The following LCLAT1 variants were observed in gnomAD, a reference collection of about 807,000 sequenced individuals.
LCLAT1 encodes lysocardiolipin acyltransferase 1.
Under a neutral mutation model 30.7 loss-of-function variants are expected in LCLAT1, and 11 were observed. The ratio of observed to expected loss-of-function variants is 0.36; its 90% confidence interval spans 0.23 to 0.59. The LOEUF (loss-of-function observed/expected upper bound fraction) is 0.59, where lower values mean the gene tolerates loss of function less well. LCLAT1 is among the 20% of genes least tolerant of loss of function. The pLI, the probability that LCLAT1 is intolerant of heterozygous loss-of-function variation, is 0.77. For missense variants in LCLAT1, 402 were observed against 458.6 expected, an observed-to-expected ratio of 0.88 and a Z score of 1.13; for synonymous variants, 155 against 151.3, an observed-to-expected ratio of 1.02 and a Z score of -0.18.
At chr2:30,559,534 A>G (rs1211130010) in intron 3 of LCLAT1, among the ~76,000 whole-genome samples, 3 of 152,164 alleles carry the variant, frequency 2.0e-5, no homozygotes, top group Non-Finnish European at 2.9e-5. Context: ...CACTTGTTTA[A>G]TGGTTCATGT....
intron 1 of LCLAT1, chr2:30,476,306 A>G: frequency 2.2e-6 from 1 of 444,732 alleles, no homozygotes; most frequent in African/African-American, 2.0e-5. Flanking sequence ...CCAGGGTCAC[A>G]CAGTAAGTGT....
intron 1 of LCLAT1, among the ~76,000 whole-genome samples, chr2:30,511,734 C>T (rs1397775814): frequency 6.6e-6 from 1 of 152,148 alleles, no homozygotes; most frequent in Non-Finnish European, 1.5e-5. Flanking sequence ...CTGTGCATTT[C>T]CTAATTGGGA....
At chr2:30,459,779 A>C in intron 1 of LCLAT1, 1 of 1,137,776 alleles carries the variant, frequency 8.8e-7, no homozygotes, top group Admixed American at 1.7e-5. Context: ...CATATATCTG[A>C]ACACAAAGCT....
intron 1 of LCLAT1, among the ~76,000 whole-genome samples, chr2:30,519,648 G>A (rs1252647): frequency 0.22 from 33,869 of 152,048 alleles, 3,856 homozygotes; most frequent in East Asian, 0.35. Flanking sequence ...TCACTAAAAT[G>A]CCCATTAGGC....
chr2:30,537,198 G>A (rs1001114954), intron 3 of LCLAT1, among the ~76,000 whole-genome samples: 43 of 152,048 alleles, frequency 2.8e-4, no homozygotes, highest in African/African-American at 9.7e-4. Flanking sequence ...TGGCTAACAA[G>A]GTGAAACCCC....
At chr2:30,517,960 C>A (rs1454586582) in intron 1 of LCLAT1, among the ~76,000 whole-genome samples, 1 of 152,180 alleles carries the variant, frequency 6.6e-6, no homozygotes, top group African/African-American at 2.4e-5. Context: ...AACCCGTAGC[C>A]TTCCTATCAA....
At chr2:30,542,238 T>G (rs77498689) in intron 3 of LCLAT1, among the ~76,000 whole-genome samples, 1,960 of 152,240 alleles carry the variant, frequency 0.013, 44 homozygotes, top group African/African-American at 0.043. Context: ...TTTAAACCAT[T>G]TCTTCTTATT....
chr2:30,494,115 CAGGATGA>C (rs1400320762), intron 1 of LCLAT1, among the ~76,000 whole-genome samples: 2 of 152,066 alleles, frequency 1.3e-5, no homozygotes, highest in Non-Finnish European at 2.9e-5. Flanking sequence ...CACAGCTGTT[CAGGATGA>C]TGAGGCAGGA....
chr2:30,494,647 C>T (rs1684011751), intron 1 of LCLAT1, among the ~76,000 whole-genome samples: 1 of 151,500 alleles, frequency 6.6e-6, no homozygotes, highest in Non-Finnish European at 1.5e-5. Flanking sequence ...TATGGGGATG[C>T]CTAACCTATA....
At chr2:30,617,605 G>C (rs1351589588) in intron 5 of LCLAT1, among the ~76,000 whole-genome samples, 1 of 152,064 alleles carries the variant, frequency 6.6e-6, no homozygotes, top group Non-Finnish European at 1.5e-5. Context: ...ATGTCCATTA[G>C]TATTATTTGA....
intron 1 of LCLAT1, among the ~76,000 whole-genome samples, chr2:30,492,712 A>G (rs1027439413): frequency 6.6e-6 from 1 of 152,206 alleles, no homozygotes; most frequent in Non-Finnish European, 1.5e-5. Flanking sequence ...AATAAGCAAT[A>G]TGAAAGAGCT....
At chr2:30,618,285 G>C (rs1318604446) in intron 5 of LCLAT1, among the ~76,000 whole-genome samples, 1 of 152,068 alleles carries the variant, frequency 6.6e-6, no homozygotes, top group Non-Finnish European at 1.5e-5. Context: ...GAATCAGTTT[G>C]TTAATTTATA....
intron 3 of LCLAT1, among the ~76,000 whole-genome samples, chr2:30,546,771 C>T (rs1161750342): frequency 6.6e-6 from 1 of 152,098 alleles, no homozygotes. Flanking sequence ...CTTTCTTACC[C>T]AGCTTCCTCC....
chr2:30,539,477 C>T (rs541641652), intron 3 of LCLAT1, among the ~76,000 whole-genome samples: 1 of 152,094 alleles, frequency 6.6e-6, no homozygotes, highest in Non-Finnish European at 1.5e-5. Context: ...AGGATCTAGA[C>T]ACCACTAAAT....
intron 2 of LCLAT1, among the ~76,000 whole-genome samples, chr2:30,528,570 A>T (rs1174148727): frequency 6.6e-6 from 1 of 152,186 alleles, no homozygotes; most frequent in African/African-American, 2.4e-5. Context: ...TCTGATGGTC[A>T]GGTAGGGTAA....
At chr2:30,606,170 CA>C (rs1179536738) in intron 5 of LCLAT1, 1 of 427,358 alleles carries the variant, frequency 2.3e-6, no homozygotes, top group Non-Finnish European at 4.2e-6. Flanking sequence ...CTGCCCAAAG[CA>C]ATTTACAGAT....
chr2:30,497,053 G>A (rs1043389969), intron 1 of LCLAT1, among the ~76,000 whole-genome samples: 3 of 152,164 alleles, frequency 2.0e-5, no homozygotes, highest in African/African-American at 7.2e-5. Flanking sequence ...TCTGTGATCT[G>A]CTTTATGTGC....
rs973608942 is a variant in LCLAT1 at position 30,641,365 on chromosome 2, C to CT, written c.*748dup. The CT allele has an allele frequency of 6.6e-6, 1 of 152,104 alleles. No homozygotes were observed. Among genetic ancestry groups the CT allele is most frequent in the African/African-American group, 2.4e-5 (1 of 41,400 alleles). The allele number at this position is 152,104 out of a possible 1,614,324, so 9.4% of individuals were successfully genotyped here. The stretch of plus-strand genomic sequence containing the variant: ...CCTTTCTCACACTCAGTATTGCATG[C>CT]TTAGTGCTGGTTTTCTTACAACATT... On this transcript the variant is annotated 3_prime_UTR_variant, in exon 6 of 6. Transcript: ENST00000379509.
At chr2:30,528,416 T>C (rs971028791) in intron 2 of LCLAT1, among the ~76,000 whole-genome samples, 7 of 152,164 alleles carry the variant, frequency 4.6e-5, no homozygotes, top group African/African-American at 1.7e-4. Flanking sequence ...TGCACTAAGG[T>C]AAGGGAAGAG....
Sources: allele counts gnomAD v4.1 joint callset (sites outside exome capture counted in the v4.1 genomes callset), GRCh38; gene constraint gnomAD v4.1.1; transcripts MANE v1.5; gene names NCBI Gene and HGNC (gene_info 2026-07-23, HGNC 2026-07-21).